Variants in DAG1 observed in about 807,000 individuals in gnomAD.
DAG1 encodes dystroglycan 1.
Under a neutral mutation model 46.1 loss-of-function variants are expected in DAG1, and 8 were observed. The observed-to-expected ratio is 0.17, with a 90% CI of 0.10 to 0.31. DAG1 has a LOEUF of 0.31. Ranked by LOEUF, DAG1 falls within the 10% of genes least tolerant of loss-of-function variation. DAG1 has a pLI of 1.00. For synonymous variants in DAG1, 495 were observed against 481.8 expected (o/e 1.03, Z -0.36); for missense variants, 1,003 against 1,189.9 (o/e 0.84, Z 2.31).
At chr3:49,489,951 C>T (rs539568572) in intron 1 of DAG1, among the ~76,000 whole-genome samples, 28 of 152,262 alleles carry the variant, frequency 1.8e-4, no homozygotes, top group African/African-American at 6.3e-4. Flanking sequence ...GATTACAGAG[C>T]TTACCTGCTG....
chr3:49,487,692 C>CTTTTTTTTTTT (rs10686005), intron 1 of DAG1, among the ~76,000 whole-genome samples: 5 of 105,704 alleles, frequency 4.7e-5, no homozygotes, highest in Admixed American at 1.2e-4. Context: ...CCCATACATT[C>CTTTTTTTTTTT]TTTTTTTTTT....
At chr3:49,491,695 C>A (rs1276739430) in intron 1 of DAG1, among the ~76,000 whole-genome samples, 1 of 152,114 alleles carries the variant, frequency 6.6e-6, no homozygotes, top group Admixed American at 6.5e-5. Flanking sequence ...TCAGGATGGT[C>A]TCGATCTCCT....
In DAG1 at chr3:49,481,009, C is replaced by T. The variant is rs189366412; in HGVS notation, c.-117+10576C>T. ...ATCTCCTGACCTCGTGATCCGCCCG[C>T]TTCGGCCTCCCAAAGTGCTGGGATT... On this transcript the variant is annotated intron_variant, in intron 1 of 2. Transcript: ENST00000308775. 9.5e-5 allele frequency among the ~76,000 whole-genome samples: 14 copies of T among 147,440 alleles called. No individual in the cohort carries two copies. The East Asian group carries it at 2.8e-3, about 30-fold the overall frequency.
chr3:49,477,300 T>C (rs2049707995), intron 1 of DAG1, among the ~76,000 whole-genome samples: 1 of 151,972 alleles, frequency 6.6e-6, no homozygotes, highest in African/African-American at 2.4e-5. Flanking sequence ...GCCCAGCTTA[T>C]TCGTTTTTGA....
rs978961505 is a variant in DAG1 at position 49,533,821 on chromosome 3, A to G, written c.*622A>G. The G allele has an allele frequency of 1.6e-5, 3 of 184,836 alleles. No individual in the cohort carries two copies. Among genetic ancestry groups the G allele is most frequent in the Admixed American group, 5.5e-5 (1 of 18,204 alleles). The allele number at this position is 184,836 out of a possible 1,614,324, so 11.4% of individuals were successfully genotyped here. On this transcript the variant is annotated 3_prime_UTR_variant, in exon 3 of 3. Transcript: ENST00000308775. ...AGACCAAGGGACAGTATTTTTTATC[A>G]AAGGAATACTATTTTTTCACACTAC...
intron 2 of DAG1, among the ~76,000 whole-genome samples, chr3:49,530,322 C>T (rs2051305407): frequency 1.3e-5 from 2 of 152,162 alleles, no homozygotes; most frequent in South Asian, 4.1e-4. Flanking sequence ...CAGGAATGGT[C>T]CTCCAGGCCA....
chr3:49,529,132 T>G (rs1343262807), intron 2 of DAG1, among the ~76,000 whole-genome samples: 4 of 152,154 alleles, frequency 2.6e-5, no homozygotes, highest in Non-Finnish European at 2.9e-5. Flanking sequence ...ATTACAGGGG[T>G]GAGCCACCAT....
chr3:49,503,235 G>A (rs1466866173), intron 1 of DAG1, among the ~76,000 whole-genome samples: 1 of 152,164 alleles, frequency 6.6e-6, no homozygotes. Context: ...TCCCTCAGTG[G>A]TGTCACATTG....
At chr3:49,512,344 A>G (rs1369458672) in intron 2 of DAG1, among the ~76,000 whole-genome samples, 1 of 152,128 alleles carries the variant, frequency 6.6e-6, no homozygotes, top group Non-Finnish European at 1.5e-5. Context: ...CTAGGATTAC[A>G]GGCGCACGTC....
At position 49,486,467 on chromosome 3, in the gene DAG1, C is replaced by T. The variant is rs143916394; in HGVS notation, c.-117+16034C>T. Among the ~76,000 whole-genome samples, 963 of 151,840 alleles carry T rather than the reference C, an allele frequency of 6.3e-3. 15 individuals are homozygous for T. The highest frequency in any genetic ancestry group is 0.022 in the African/African-American group (891 of 41,378). ...TCTCCTGACCTTGTGATCCTCCTGC[C>T]TCAGTATCCTGAAGTGCTGGGATTA... On this transcript the variant is annotated intron_variant, in intron 1 of 2. Transcript: ENST00000308775.
chr3:49,473,931 T>G (rs1429039771), intron 1 of DAG1, among the ~76,000 whole-genome samples: 1 of 151,010 alleles, frequency 6.6e-6, no homozygotes, highest in Non-Finnish European at 1.5e-5. Flanking sequence ...TTATCCAGGC[T>G]GGAGTGCAGT....
rs764583020 is a variant in DAG1 at position 49,532,288 on chromosome 3, A to T, written c.1777A>T (p.Ile593Phe). ...CCTGTCGGCTGTGGATGCCTTCGAGATCCACGTCCACAGGCGCCCCCAAGG... is the reference window on the plus strand; with the variant it reads ...CCTGTCGGCTGTGGATGCCTTCGAGTTCCACGTCCACAGGCGCCCCCAAGG... ...GGLSAVDAFEIHVHRRPQGDR... is the reference protein window; with the variant it reads ...GGLSAVDAFEFHVHRRPQGDR... Residue 593 changes from isoleucine to phenylalanine, a missense_variant, in exon 3 of 3, where the codon ATC (isoleucine) becomes TTC (phenylalanine). Physicochemically the swap from Ile to Phe is conservative, Grantham distance 21. This residue lies in a region of DAG1 where 755 missense variants were observed against 854.1 expected (regional missense o/e 0.88). Coordinates refer to ENST00000308775, the MANE Select transcript of DAG1 (RefSeq NM_004393.6). The surrounding 1 kb of genome is among the most constrained non-coding windows in gnomAD (Gnocchi z 5.4). 9 of 1,614,098 alleles carry T rather than the reference A, an allele frequency of 5.6e-6. No individual in the cohort carries two copies. The highest frequency in any genetic ancestry group is 7.6e-6 in the Non-Finnish European group (9 of 1,179,982).
rs894480547 is a variant in DAG1 at position 49,531,141 on chromosome 3, C to G, written c.630C>G (p.Leu210=). ...TGACCCCAAAGCAAAGGATTGACCT[C>G]CTGCACAGGATGCGGAGCTTCTCAG... ...TKMTPKQRID[L]LHRMRSFSEV... Residue 210 remains leucine, a synonymous_variant, in exon 3 of 3, where the codon CTC becomes CTG. Coordinates refer to ENST00000308775, the MANE Select transcript of DAG1 (RefSeq NM_004393.6). This position sits in a 1 kb window ranked among gnomAD's most constrained non-coding sequence, Gnocchi z 7.0. The G allele has an allele frequency of 6.2e-7, 1 of 1,614,202 alleles. No homozygotes were observed. The highest frequency in any genetic ancestry group is 8.5e-7 in the Non-Finnish European group (1 of 1,180,046).
intron 2 of DAG1, among the ~76,000 whole-genome samples, chr3:49,523,283 G>T (rs1212728369): frequency 6.6e-6 from 1 of 152,096 alleles, no homozygotes; most frequent in African/African-American, 2.4e-5. Context: ...TCACTATGTT[G>T]CCCAGGCTGG....
intron 1 of DAG1, among the ~76,000 whole-genome samples, chr3:49,471,583 C>T (rs2049519548): frequency 6.6e-6 from 1 of 152,018 alleles, no homozygotes; most frequent in African/African-American, 2.4e-5. Context: ...TGGCCTGTGT[C>T]CTGTATTTTG....
At chr3:49,503,728 T>C (rs2050520205) in intron 1 of DAG1, among the ~76,000 whole-genome samples, 1 of 151,352 alleles carries the variant, frequency 6.6e-6, no homozygotes, top group Non-Finnish European at 1.5e-5. Context: ...TTTCGGAAGC[T>C]GAGGTGGGAG....
rs1559575556 is a variant in DAG1 at position 49,528,274 on chromosome 3, GATT to G, written c.286-2522_286-2520del. On this transcript the variant is annotated intron_variant, in intron 2 of 2. Transcript: ENST00000308775. ...TCAGCCAAAACATTTGAAATAGTGT[GATT>G]TTTTTTTTTTTTTTTTTTTTTTTTT... 3.5e-4 allele frequency among the ~76,000 whole-genome samples: 21 copies of G among 60,364 alleles called. 1 individual carries two copies. The highest frequency in any genetic ancestry group is 1.2e-3 in the African/African-American group (20 of 16,320). 39.6% of individuals were successfully genotyped at this position (60,364 alleles called of 152,430 possible).
intron 1 of DAG1, among the ~76,000 whole-genome samples, chr3:49,472,853 C>T (rs1291515517): frequency 1.3e-5 from 2 of 152,140 alleles, no homozygotes; most frequent in African/African-American, 4.8e-5. Flanking sequence ...GGCGTGGTGG[C>T]TCACGCCTGT....
At chr3:49,469,555 G>A (rs542074164), upstream of DAG1, among the ~76,000 whole-genome samples, 1 of 152,286 alleles carries the variant, frequency 6.6e-6, no homozygotes, top group Admixed American at 6.5e-5. Flanking sequence ...TTGGGCAGGA[G>A]AGCAGGCGTC....
Sources: allele counts gnomAD v4.1 joint callset (sites outside exome capture counted in the v4.1 genomes callset), GRCh38; gene constraint gnomAD v4.1.1; regional missense constraint gnomAD v4.1.1; non-coding constraint Gnocchi (gnomAD v3.1); transcripts MANE v1.5; gene names NCBI Gene and HGNC (gene_info 2026-07-23, HGNC 2026-07-21).